Variants in PIK3CB observed in about 807,000 individuals in gnomAD.
The protein encoded by PIK3CB is phosphatidylinositol 4,5-bisphosphate 3-kinase catalytic subunit beta isoform.
PIK3CB carries 39 observed loss-of-function variants against 136.8 expected under a neutral mutation model. The observed-to-expected ratio is 0.29, with a 90% CI of 0.22 to 0.37. PIK3CB has a LOEUF of 0.37. Ranked by LOEUF, PIK3CB falls within the 10% of genes least tolerant of loss-of-function variation. The probability of loss-of-function intolerance (pLI) is 1.00; values close to 1 mark genes in which losing one functional copy is unlikely to be tolerated. For missense variants in PIK3CB, 868 were observed against 1,275.4 expected (o/e 0.68, Z 4.87); for synonymous variants, 428 against 436.6 (o/e 0.98, Z 0.25).
intron 2 of PIK3CB, among the ~76,000 whole-genome samples, chr3:138,760,177 C>A (rs2045643506): frequency 6.6e-6 from 1 of 152,182 alleles, no homozygotes; most frequent in African/African-American, 2.4e-5. Flanking sequence ...CCCGCCTTGG[C>A]CTCCCAAAGT....
chr3:138,700,692 A>AAGATAGAT lies in PIK3CB; in HGVS notation c.1582-1605_1582-1598dup, dbSNP rs56054471. ...AACAGAGCAAGACCCTGACTCTAAAAAGATAGATAGATAGATAGATAGATA... is the reference window on the plus strand; with the variant it reads ...AACAGAGCAAGACCCTGACTCTAAAAAGATAGATAGATAGATAGATAGATAGATAGATA... On this transcript the variant is annotated intron_variant, in intron 12 of 23. Transcript: ENST00000674063. Among the ~76,000 whole-genome samples, 1,230 of 143,984 alleles carry AAGATAGAT rather than the reference A, an allele frequency of 8.5e-3. 7 individuals carry two copies. Among genetic ancestry groups the AAGATAGAT allele is most frequent in the Middle Eastern group, 0.01 (3 of 290 alleles). 94.5% of individuals were successfully genotyped at this position (143,984 alleles called of 152,430 possible).
chr3:138,769,168 C>T (rs773733963), intron 2 of PIK3CB, among the ~76,000 whole-genome samples: 1 of 152,216 alleles, frequency 6.6e-6, no homozygotes, highest in Non-Finnish European at 1.5e-5. Flanking sequence ...GCCCCGGCCA[C>T]ACCTCCTTGC....
intron 1 of PIK3CB, chr3:138,797,079 A>C (rs943748244): frequency 2.6e-5 from 4 of 156,202 alleles, no homozygotes; most frequent in African/African-American, 9.6e-5. Flanking sequence ...TTAGTTGTGT[A>C]TGTCAAAGCC....
chr3:138,822,555 A>C (rs1576433290), intron 1 of PIK3CB, among the ~76,000 whole-genome samples: 1 of 151,772 alleles, frequency 6.6e-6, no homozygotes. Context: ...AGAAAAAGAA[A>C]AAGAAAATAC....
chr3:138,767,181 G>A (rs1042528920), intron 2 of PIK3CB, among the ~76,000 whole-genome samples: 4 of 151,896 alleles, frequency 2.6e-5, no homozygotes, highest in African/African-American at 9.7e-5. Context: ...AAGAAAAAAC[G>A]AAACCAAAAA....
chr3:138,667,069 CGTGGTG>C (rs973027220), intron 19 of PIK3CB, among the ~76,000 whole-genome samples: 2 of 151,836 alleles, frequency 1.3e-5, no homozygotes, highest in Admixed American at 6.6e-5. Context: ...ATTAGCTGGA[CGTGGTG>C]GTGTGCTCCT....
At chr3:138,696,584 C>T (rs143387397) in intron 13 of PIK3CB, among the ~76,000 whole-genome samples, 44 of 152,116 alleles carry the variant, frequency 2.9e-4, no homozygotes, top group African/African-American at 9.4e-4. Context: ...GATACAAATA[C>T]GTACATGAAA....
intron 2 of PIK3CB, among the ~76,000 whole-genome samples, chr3:138,789,421 T>C (rs765484366): frequency 1.3e-5 from 2 of 152,196 alleles, no homozygotes; most frequent in Admixed American, 1.3e-4. Context: ...ACTACACCAC[T>C]GTACTCTAGC....
intron 1 of PIK3CB, among the ~76,000 whole-genome samples, chr3:138,827,370 G>C (rs1199067641): frequency 6.6e-6 from 1 of 151,960 alleles, no homozygotes; most frequent in Non-Finnish European, 1.5e-5. Context: ...ACGCCTAATA[G>C]AAGGCTGGGT....
rs377412094 is a variant in PIK3CB at position 138,777,743 on chromosome 3, T to TA, written c.-16-18385dup. ...TACAGTCAATAATTCATTTTTTTCT[T>TA]AAAAAAAAAATTTACACTTTCTGTT... On this transcript the variant is annotated intron_variant, in intron 2 of 23. Transcript: ENST00000674063. 638 of 153,042 alleles carry TA rather than the reference T, an allele frequency of 4.2e-3. 3 individuals carry two copies. The highest frequency in any genetic ancestry group is 0.013 in the African/African-American group (522 of 41,266). The allele number at this position is 153,042 out of a possible 1,614,324, so 9.5% of individuals were successfully genotyped here.
chr3:138,710,142 T>A (rs1370534847), intron 10 of PIK3CB, among the ~76,000 whole-genome samples: 1 of 151,640 alleles, frequency 6.6e-6, no homozygotes, highest in Non-Finnish European at 1.5e-5. Context: ...TGTGTTCAAG[T>A]CACTACACTC....
intron 2 of PIK3CB, among the ~76,000 whole-genome samples, chr3:138,762,973 C>G (rs2045682194): frequency 6.6e-6 from 1 of 151,686 alleles, no homozygotes; most frequent in African/African-American, 2.4e-5. Flanking sequence ...AAAAACAAAA[C>G]AACAATAAAA....
intron 2 of PIK3CB, among the ~76,000 whole-genome samples, chr3:138,761,124 CCT>C (rs1252582990): frequency 1.1e-4 from 17 of 152,066 alleles, no homozygotes. Flanking sequence ...ACAGGAATCC[CCT>C]GATCTTAGCA....
At chr3:138,714,870 T>G in intron 8 of PIK3CB, 151 bp from the exon 9 acceptor site, 1 of 688,034 alleles carries the variant, frequency 1.5e-6, no homozygotes, top group Non-Finnish European at 2.3e-6. Flanking sequence ...TGCCAAGTTT[T>G]AGAAAGCCTA....
intron 21 of PIK3CB, among the ~76,000 whole-genome samples, chr3:138,661,138 T>A (rs1197110390): frequency 6.6e-6 from 1 of 152,184 alleles, no homozygotes; most frequent in African/African-American, 2.4e-5. Context: ...TTTCACTCCA[T>A]CTCCATTTTT....
chr3:138,718,125 T>C (rs958510414), intron 8 of PIK3CB, among the ~76,000 whole-genome samples: 15 of 152,218 alleles, frequency 9.9e-5, no homozygotes, highest in African/African-American at 3.4e-4. Context: ...CTTTTTACAA[T>C]GGTTGAACTA....
In PIK3CB at chr3:138,659,166, C is replaced by G. The variant is rs144410172; in HGVS notation, c.2797-1331G>C. ...CTATCCACTGGACTACCCCACCCCC[C>G]AGTTATGACAACTAAAACTGTTTTC... is the stretch of plus-strand genomic sequence containing the variant. On this transcript the variant is annotated intron_variant, in intron 21 of 23. Transcript: ENST00000674063. 2.6e-4 allele frequency among the ~76,000 whole-genome samples: 39 copies of G among 152,348 alleles called. No homozygotes were observed. The East Asian group carries it at 4.8e-3, about 19-fold the overall frequency.
chr3:138,708,918 T>A (rs1471115684), intron 10 of PIK3CB, among the ~76,000 whole-genome samples: 1 of 152,120 alleles, frequency 6.6e-6, no homozygotes, highest in Non-Finnish European at 1.5e-5. Flanking sequence ...CCTTTAGCCT[T>A]GTTCAAAAGT....
intron 6 of PIK3CB, among the ~76,000 whole-genome samples, chr3:138,737,102 G>C (rs749585678): frequency 2.0e-5 from 3 of 151,806 alleles, no homozygotes; most frequent in African/African-American, 7.3e-5. Flanking sequence ...CAAAACAGCC[G>C]AATGAGCCGG....
Sources: gnomAD v4.1 joint callset for allele counts (sites outside exome capture counted in the v4.1 genomes callset) on GRCh38, gnomAD v4.1.1 for gene constraint, MANE v1.5 for transcripts, NCBI Gene and HGNC (gene_info 2026-07-23, HGNC 2026-07-21) for gene names.